Variants in CTNNA2 observed in about 807,000 individuals in gnomAD.
CTNNA2 encodes the protein catenin alpha-2.
Under a neutral mutation model 101.0 loss-of-function variants are expected in CTNNA2, and 42 were observed. The observed-to-expected ratio is 0.42, with a 90% confidence interval of 0.32 to 0.54. CTNNA2 has a LOEUF of 0.54. CTNNA2 is among the 20% of genes least tolerant of loss of function. The pLI is 0.14. For synonymous variants in CTNNA2, 450 were observed against 456.4 expected (o/e 0.99, Z 0.18); for missense variants, 871 against 1,223.1 (o/e 0.71, Z 4.29).
chr2:79,907,058 C>T (rs1280916531), intron 6 of CTNNA2, among the ~76,000 whole-genome samples: 3 of 152,096 alleles, frequency 2.0e-5, no homozygotes, highest in Non-Finnish European at 1.5e-5. Context: ...ATTTACCTCC[C>T]CATATTTCCA....
chr2:79,682,423 A>T (rs941671449), intron 2 of CTNNA2, among the ~76,000 whole-genome samples: 1 of 151,040 alleles, frequency 6.6e-6, no homozygotes, highest in Middle Eastern at 3.4e-3. Context: ...AAAAAAAAAA[A>T]AAAAAAAAAG....
intron 3 of CTNNA2, among the ~76,000 whole-genome samples, chr2:79,351,572 A>C (rs879051338): frequency 2.0e-5 from 3 of 152,200 alleles, no homozygotes; most frequent in Admixed American, 2.0e-4. Flanking sequence ...AGTTTTTTTC[A>C]ACCCCTACCC....
chr2:80,172,239 T>C (rs537257526), intron 7 of CTNNA2, among the ~76,000 whole-genome samples: 2 of 152,334 alleles, frequency 1.3e-5, no homozygotes, highest in South Asian at 2.1e-4. Context: ...TTATTCCTCT[T>C]AATTTATGCT....
At chr2:79,499,823 C>T (rs1021619351) in intron 4 of CTNNA2, among the ~76,000 whole-genome samples, 2 of 152,154 alleles carry the variant, frequency 1.3e-5, no homozygotes, top group Non-Finnish European at 2.9e-5. Context: ...GAAACAGAAC[C>T]AATATGATTT....
chr2:79,790,082 A>T (rs190026902), intron 3 of CTNNA2, among the ~76,000 whole-genome samples: 1 of 152,312 alleles, frequency 6.6e-6, no homozygotes, highest in East Asian at 1.9e-4. Context: ...GCAAATGAGA[A>T]TCACAAATAG....
At chr2:80,448,796 A>G (rs753836679) in intron 9 of CTNNA2, among the ~76,000 whole-genome samples, 14 of 152,072 alleles carry the variant, frequency 9.2e-5, no homozygotes, top group Non-Finnish European at 1.9e-4. Flanking sequence ...TCTTCAGAAA[A>G]CCTGGAACCT....
intron 7 of CTNNA2, among the ~76,000 whole-genome samples, chr2:80,020,512 A>G (rs1461669116): frequency 1.3e-5 from 2 of 152,172 alleles, no homozygotes; most frequent in Non-Finnish European, 2.9e-5. Flanking sequence ...GATGTGAAGG[A>G]CCAGATCATG....
intron 7 of CTNNA2, among the ~76,000 whole-genome samples, chr2:80,354,524 C>G (rs1265095702): frequency 2.0e-5 from 3 of 152,112 alleles, no homozygotes; most frequent in African/African-American, 7.2e-5. Flanking sequence ...GACAAAGGTA[C>G]AAGTAAACGC....
At chr2:79,240,056 G>A (rs950657725) in intron 2 of CTNNA2, among the ~76,000 whole-genome samples, 4 of 150,742 alleles carry the variant, frequency 2.7e-5, no homozygotes, top group African/African-American at 4.9e-5. Flanking sequence ...TTACAGGCAT[G>A]TGCCACCATA....
intron 4 of CTNNA2, among the ~76,000 whole-genome samples, chr2:79,409,731 C>G (rs1478377792): frequency 6.7e-6 from 1 of 148,550 alleles, no homozygotes; most frequent in Non-Finnish European, 1.5e-5. Flanking sequence ...AGTCAGGTAG[C>G]GTGATGCCTC....
intron 9 of CTNNA2, among the ~76,000 whole-genome samples, chr2:80,540,596 CAAA>C (rs201536941): frequency 0.021 from 2,825 of 132,768 alleles, 91 homozygotes; most frequent in African/African-American, 0.073. Context: ...GACTCCATCT[CAAA>C]AAAAAAAAAA....
At chr2:79,305,373 CAT>C (rs56285145) in intron 2 of CTNNA2, among the ~76,000 whole-genome samples, 9,497 of 138,052 alleles carry the variant, frequency 0.069, 362 homozygotes, top group South Asian at 0.13. Flanking sequence ...TATATATACA[CAT>C]ATATATATAT....
intron 1 of CTNNA2, among the ~76,000 whole-genome samples, chr2:79,517,156 T>C (rs1671852173): frequency 6.6e-6 from 1 of 152,300 alleles, no homozygotes; most frequent in Admixed American, 6.5e-5. Flanking sequence ...GCTACATCTG[T>C]TGGCATACCT....
intron 7 of CTNNA2, chr2:80,313,616 A>G (rs1361011370): frequency 8.1e-6 from 13 of 1,611,082 alleles, no homozygotes; most frequent in African/African-American, 1.3e-5. Flanking sequence ...TGAAAAAAAT[A>G]TGAAGACTTC....
chr2:79,959,204 A>C (rs1268911775), intron 7 of CTNNA2, among the ~76,000 whole-genome samples: 1 of 151,878 alleles, frequency 6.6e-6, no homozygotes, highest in African/African-American at 2.4e-5. Context: ...TTTAGCTACT[A>C]TTTGTCTATA....
At chr2:79,946,763 C>T (rs966837439) in intron 7 of CTNNA2, among the ~76,000 whole-genome samples, 1 of 152,096 alleles carries the variant, frequency 6.6e-6, no homozygotes, top group Non-Finnish European at 1.5e-5. Context: ...AGAGGGGTGC[C>T]CATTGGGAGC....
intron 3 of CTNNA2, among the ~76,000 whole-genome samples, chr2:79,828,410 G>A (rs1353653040): frequency 1.3e-5 from 2 of 152,154 alleles, no homozygotes; most frequent in African/African-American, 4.8e-5. Context: ...TGAGGACCCC[G>A]TCTGTCATAC....
intron 4 of CTNNA2, among the ~76,000 whole-genome samples, chr2:79,432,518 T>A (rs10496225): frequency 0.32 from 48,410 of 152,138 alleles, 7,838 homozygotes; most frequent in South Asian, 0.44. Context: ...ATTCAGCCTT[T>A]CCTTCGTTAT....
chr2:80,528,486 G>A (rs555358509), intron 9 of CTNNA2, among the ~76,000 whole-genome samples: 86 of 152,144 alleles, frequency 5.7e-4, no homozygotes, highest in African/African-American at 1.5e-3. Context: ...GTGAGCCACC[G>A]TGCCCAGCCC....
Sources: gnomAD v4.1 joint callset for allele counts (sites outside exome capture counted in the v4.1 genomes callset) on GRCh38, gnomAD v4.1.1 for gene constraint, MANE v1.5 for transcripts, NCBI Gene and HGNC (gene_info 2026-07-23, HGNC 2026-07-21) for gene names.